Variants in UBFD1 observed in about 807,000 individuals in gnomAD.
UBFD1 encodes ubiquitin family domain containing 1.
UBFD1 carries 12 observed loss-of-function variants against 35.1 expected under a neutral mutation model. That is an observed-to-expected ratio of 0.34 (90% confidence interval 0.22 to 0.55). UBFD1 has a LOEUF of 0.55. Ranked by LOEUF, UBFD1 falls within the 20% of genes least tolerant of loss-of-function variation. UBFD1 has a pLI of 0.89. For synonymous variants in UBFD1, 178 were observed against 167.6 expected (o/e 1.06, Z -0.48); for missense variants, 337 against 410.8 (o/e 0.82, Z 1.55).
chr16:23,559,724 C>A (rs1430443789), intron 3 of UBFD1, 48 bp downstream of exon 3: 3 of 1,611,230 alleles, frequency 1.9e-6, no homozygotes, highest in South Asian at 1.1e-5. Context: ...GAGGCTTTGT[C>A]CTCTTGAGCC....
In UBFD1 at chr16:23,558,003, C is replaced by G. The variant is rs761804091; in HGVS notation, c.79C>G (p.Pro27Ala). 17 of 1,362,708 alleles carry G rather than the reference C, an allele frequency of 1.2e-5. No individual in the cohort carries two copies. The highest frequency in any genetic ancestry group is 1.0e-4 in the Admixed American group (3 of 28,928). The allele number at this position is 1,362,708 out of a possible 1,614,324, so 84.4% of individuals were successfully genotyped here. ...TEAETVATEA[P>A]ARPVNCLEAE... ...GGCCGAGACTGTGGCTACTGAGGCT[C>G]CCGCGCGGCCCGTCAACTGCCTGGA... Residue 27 changes from proline (P) to alanine (A), a missense_variant, in exon 2 of 7, where the codon CCC (proline) becomes GCC (alanine). Pro to Ala is a conservative substitution (Grantham distance 27). Around this residue, in one of 4 missense-constraint regions of UBFD1, gnomAD observed 198 missense variants for 168.4 expected, o/e 1.18. Coordinates refer to ENST00000395878, the MANE Select transcript of UBFD1 (RefSeq NM_019116.3).
At chr16:23,561,072 T>C (rs1005352982) in intron 3 of UBFD1, among the ~76,000 whole-genome samples, 2 of 152,216 alleles carry the variant, frequency 1.3e-5, no homozygotes, top group Admixed American at 6.5e-5. Flanking sequence ...AAAAGGTACT[T>C]GAAAGGTGTG....
At chr16:23,560,357 C>T (rs550633206) in intron 3 of UBFD1, among the ~76,000 whole-genome samples, 2 of 152,284 alleles carry the variant, frequency 1.3e-5, no homozygotes, top group South Asian at 4.1e-4. Context: ...AGAATCATTA[C>T]TTGTTATCTT....
Position 23,570,729 on chromosome 16 carries a change from CTG to C in UBFD1, c.*140_*141del, listed in dbSNP as rs1966072030. 3 of 633,770 alleles carry C rather than the reference CTG, an allele frequency of 4.7e-6. No individual in the cohort carries two copies. The highest frequency in any genetic ancestry group is 8.0e-6 in the Non-Finnish European group (3 of 376,172). 39.3% of individuals were successfully genotyped at this position (633,770 alleles called of 1,614,324 possible). A position where few individuals can be genotyped will look rare whatever the true frequency, so the allele number is the denominator to read the frequency against. On this transcript the variant is annotated 3_prime_UTR_variant, in exon 7 of 7. Transcript: ENST00000395878. ...TATTCAATCTGAGGTGATGTGGTGACTGAAGCCAGAGGTGATGTACTTTCACC... is the reference window on the plus strand; with the variant it reads ...TATTCAATCTGAGGTGATGTGGTGACAAGCCAGAGGTGATGTACTTTCACC...
rs755392549 is a variant in UBFD1, at chr16:23,570,551, A to T, written c.891A>T (p.Ala297=). ...GGGTTCCAACTCAATATGTGGATGCAATCAAAGACACTGTGCTGGGGAAAT... is the reference window on the plus strand; with the variant it reads ...GGGTTCCAACTCAATATGTGGATGCTATCAAAGACACTGTGCTGGGGAAAT... ...VYWVPTQYVD[A]IKDTVLGKWQ... Residue 297 remains alanine (A), a synonymous_variant, in exon 7 of 7, where the codon GCA becomes GCT. Transcript: ENST00000395878. 8.7e-6 allele frequency: 14 copies of T among 1,614,082 alleles called. No homozygotes were observed. In the Admixed American group the frequency reaches 1.8e-4, roughly 21 times the overall value.
chr16:23,565,848 T>TTC (rs1966002510), intron 5 of UBFD1: 2 of 130,498 alleles, frequency 1.5e-5, no homozygotes, highest in Non-Finnish European at 3.2e-5. Flanking sequence ...TGAGCCTCCC[T>TTC]GCCCCCCTCC....
At chr16:23,566,080 C>G (rs1179954272) in intron 5 of UBFD1, 2 of 152,172 alleles carry the variant, frequency 1.3e-5, no homozygotes, top group East Asian at 1.9e-4. Flanking sequence ...AGTGGTATCT[C>G]AAGTGTTAAT....
Position 23,572,029 on chromosome 16 carries a change from G to A in UBFD1, c.*1439G>A, listed in dbSNP as rs1396915024. The A allele has an allele frequency of 1.3e-5, 2 of 152,620 alleles. No individual in the cohort carries two copies. Among genetic ancestry groups the A allele is most frequent in the African/African-American group, 4.8e-5 (2 of 41,436 alleles). 9.5% of individuals were successfully genotyped at this position (152,620 alleles called of 1,614,324 possible). A position where few individuals can be genotyped will look rare whatever the true frequency, so the allele number is the denominator to read the frequency against. ...AACATCACATTTTGGATTCTAGGCT[G>A]TCACCCCTCATTCTGTGAAACGTAT... On this transcript the variant is annotated 3_prime_UTR_variant, in exon 7 of 7. Coordinates refer to ENST00000395878, the MANE Select transcript of UBFD1 (RefSeq NM_019116.3).
rs912167706 is a variant in UBFD1, at chr16:23,573,043, A to C, written c.*2453A>C. On this transcript the variant is annotated 3_prime_UTR_variant, in exon 7 of 7. Transcript: ENST00000395878. ...AGTTCCGTAAGCAGTCTCTTCATAC[A>C]TTTCTTACAGTCTGGAGTGTACTGA... 1 of 152,082 alleles carries C rather than the reference A, an allele frequency of 6.6e-6. No homozygotes were observed. The highest frequency in any genetic ancestry group is 2.4e-5 in the African/African-American group (1 of 41,412). 9.4% of individuals were successfully genotyped at this position (152,082 alleles called of 1,614,324 possible).
chr16:23,559,580 C>T lies in UBFD1; in HGVS notation c.468C>T (p.Thr156=). 6.2e-7 allele frequency: 1 copy of T among 1,614,158 alleles called. No homozygotes were observed. Among genetic ancestry groups the T allele is most frequent in the Non-Finnish European group, 8.5e-7 (1 of 1,180,036 alleles). ...CCAAGATCATGGTGGTTGGCTCCACCATCAATGATGTTTTAGCAGTAAACA... is the reference window on the plus strand; with the variant it reads ...CCAAGATCATGGTGGTTGGCTCCACTATCAATGATGTTTTAGCAGTAAACA... ...SGAKIMVVGS[T]INDVLAVNTP... The change falls in exon 3 of 7, where the codon ACC becomes ACT. Residue 156 remains threonine (T), a synonymous_variant. Coordinates refer to ENST00000395878, the MANE Select transcript of UBFD1 (RefSeq NM_019116.3).
chr16:23,564,441 C>A (rs1965982398), intron 5 of UBFD1: 1 of 152,192 alleles, frequency 6.6e-6, no homozygotes, highest in African/African-American at 2.4e-5. Context: ...GGGTTCCCCC[C>A]AGTTTTTGCA....
rs202219563 is a variant in UBFD1 at position 23,559,514 on chromosome 16, C to G, written c.402C>G (p.Pro134=). 7.4e-6 allele frequency: 12 copies of G among 1,614,054 alleles called. No homozygotes were observed. The highest frequency in any genetic ancestry group is 1.6e-4 in the Middle Eastern group (1 of 6,062). Reference sequence around the variant, plus strand: ...AAGTCATGTATAAGGGACTCGTCCCCGAGGATAAAACATTGAGAGAAATAA... The same window carrying G: ...AAGTCATGTATAAGGGACTCGTCCCGGAGGATAAAACATTGAGAGAAATAA... The part of the protein sequence containing the change: ...MQKVMYKGLV[P]EDKTLREIKV... Residue 134 remains proline, a synonymous_variant, in exon 3 of 7, where the codon CCC becomes CCG. Transcript: ENST00000395878.
intron 5 of UBFD1, among the ~76,000 whole-genome samples, chr16:23,563,378 G>C (rs1965966423): frequency 6.6e-6 from 1 of 151,968 alleles, no homozygotes; most frequent in East Asian, 1.9e-4. Context: ...CCTGTGCACG[G>C]TGTCTGGATC....
chr16:23,570,693 T>TA lies in UBFD1; in HGVS notation c.*109dup, dbSNP rs1326773373. 4.3e-6 allele frequency: 4 copies of TA among 923,140 alleles called. No individual in the cohort carries two copies. Among genetic ancestry groups the TA allele is most frequent in the Admixed American group, 4.9e-5 (2 of 40,686 alleles). 57.2% of individuals were successfully genotyped at this position (923,140 alleles called of 1,614,324 possible). A position where few individuals can be genotyped will look rare whatever the true frequency, so the allele number is the denominator to read the frequency against. Reference sequence around the variant, plus strand: ...TTTCAGAGTTCTGGAACTTTGTTCATAAAAAATCTATATTCAATCTGAGGT... The same window carrying TA: ...TTTCAGAGTTCTGGAACTTTGTTCATAAAAAAATCTATATTCAATCTGAGGT... On this transcript the variant is annotated 3_prime_UTR_variant, in exon 7 of 7. Coordinates refer to ENST00000395878, the MANE Select transcript of UBFD1 (RefSeq NM_019116.3).
At chr16:23,566,827 G>A (rs898443248) in intron 5 of UBFD1, 160 bp from the exon 6 acceptor site, 4 of 655,650 alleles carry the variant, frequency 6.1e-6, no homozygotes, top group African/African-American at 5.4e-5. Context: ...TATGTGCACT[G>A]GTCAGAAGAC....
chr16:23,561,093 T>C (rs1965926557), intron 3 of UBFD1, among the ~76,000 whole-genome samples: 1 of 152,240 alleles, frequency 6.6e-6, no homozygotes, highest in South Asian at 2.1e-4. Context: ...ACTCGAATTG[T>C]ACTTCCAGCC....
rs150167578 is a variant in UBFD1, at chr16:23,573,133, T to G, written c.*2543T>G. Reference sequence around the variant, plus strand: ...GGTAGCGTCACAGTGGTTTTTTTTTTCCTCAGGATAATTTCTATACAATTT... The same window carrying G: ...GGTAGCGTCACAGTGGTTTTTTTTTGCCTCAGGATAATTTCTATACAATTT... On this transcript the variant is annotated 3_prime_UTR_variant, in exon 7 of 7. Transcript: ENST00000395878. 1 of 152,246 alleles carries G rather than the reference T, an allele frequency of 6.6e-6. No individual in the cohort carries two copies. Among genetic ancestry groups the G allele is most frequent in the Non-Finnish European group, 1.5e-5 (1 of 68,042 alleles). 9.4% of individuals were successfully genotyped at this position (152,246 alleles called of 1,614,324 possible).
chr16:23,568,360 A>G (rs528461684), intron 6 of UBFD1, among the ~76,000 whole-genome samples: 72 of 150,486 alleles, frequency 4.8e-4, no homozygotes, highest in Admixed American at 1.3e-3. Context: ...GGGTTTCACC[A>G]TGTTGGCCAA....
rs186252708 is a variant in UBFD1, at chr16:23,571,802, C to T, written c.*1212C>T. 2.6e-5 allele frequency: 4 copies of T among 152,772 alleles called. No individual in the cohort carries two copies. The highest frequency in any genetic ancestry group is 9.6e-5 in the African/African-American group (4 of 41,578). The allele number at this position is 152,772 out of a possible 1,614,324, so 9.5% of individuals were successfully genotyped here. On this transcript the variant is annotated 3_prime_UTR_variant, in exon 7 of 7. Transcript: ENST00000395878. ...TAAATTGCTTTCATGATTAGCTCAC[C>T]TTCTTCTGGTTTTAGCCCTTCTGTT...
Sources: gnomAD v4.1 joint callset for allele counts (sites outside exome capture counted in the v4.1 genomes callset) on GRCh38, gnomAD v4.1.1 for gene constraint, gnomAD v4.1.1 regional missense constraint, MANE v1.5 for transcripts, NCBI Gene and HGNC (gene_info 2026-07-23, HGNC 2026-07-21) for gene names.